Variants in OR10K2 observed in about 807,000 individuals in gnomAD.
OR10K2 encodes the protein olfactory receptor family 10 subfamily K member 2.
For synonymous variants in OR10K2, 169 were observed against 146.4 expected, an observed-to-expected ratio of 1.15 and a Z score of -1.11; for missense variants, 401 against 367.1, an observed-to-expected ratio of 1.09 and a Z score of -0.76.
rs1655110117 is a variant in OR10K2, at chr1:158,419,971, G to A, written c.896C>T (p.Ser299Leu). Residue 299 changes from serine to leucine, a missense_variant, in exon 2 of 2, where the codon TCA (serine) becomes TTA (leucine). Ser to Leu is a moderately radical substitution (Grantham distance 145, BLOSUM62 -2). Coordinates refer to ENST00000641042, the MANE Select transcript of OR10K2 (RefSeq NM_001004476.2). ...IYSLRNKEFKSALCKIVRRTI... is the reference protein window; with the variant it reads ...IYSLRNKEFKLALCKIVRRTI... ...TCTTCTCACAATTTTACAAAGAGCT[G>A]ATTTGAACTCTTTATTTCTCAAGCT... 1.9e-5 allele frequency: 31 copies of A among 1,612,402 alleles called. No homozygotes were observed. The highest frequency in any genetic ancestry group is 2.6e-5 in the Non-Finnish European group (31 of 1,178,872).
chr1:158,418,220 G>A lies in OR10K2; in HGVS notation c.*1708C>T, dbSNP rs1655077287. 1 of 151,980 alleles carries A rather than the reference G, an allele frequency of 6.6e-6. No homozygotes were observed. The highest frequency in any genetic ancestry group is 1.5e-5 in the Non-Finnish European group (1 of 67,998). 9.4% of individuals were successfully genotyped at this position (151,980 alleles called of 1,614,324 possible). ...GTATTAATTCTTTTACTCATTAGTA[G>A]GCAAGTCATTTTATTTGTCTGAGTG... On this transcript the variant is annotated 3_prime_UTR_variant, in exon 2 of 2. Transcript: ENST00000641042.
At position 158,420,641 on chromosome 1, in the gene OR10K2, T is replaced by G; in HGVS notation, c.226A>C (p.Ile76Leu). ...LSCSEICYTF[I>L]IVPKMLVDLL... ...TCAACCAGCATCTTGGGTACAATGA[T>G]GAAGGTGTAGCAAATCTCAGAGCAA... is the stretch of plus-strand genomic sequence containing the variant. The change falls in exon 2 of 2, where the codon ATC (isoleucine) becomes CTC (leucine). Residue 76 changes from isoleucine to leucine, a missense_variant. Ile to Leu is a conservative substitution (Grantham distance 5). Coordinates refer to ENST00000641042, the MANE Select transcript of OR10K2 (RefSeq NM_001004476.2). 6.2e-7 allele frequency: 1 copy of G among 1,613,808 alleles called. No individual in the cohort carries two copies. The highest frequency in any genetic ancestry group is 8.5e-7 in the Non-Finnish European group (1 of 1,179,888).
At position 158,422,802 on chromosome 1, in the gene OR10K2, G is replaced by A. The variant is rs115932773; in HGVS notation, c.-61-1875C>T. On this transcript the variant is annotated intron_variant, in intron 1 of 1. Coordinates refer to ENST00000641042, the MANE Select transcript of OR10K2 (RefSeq NM_001004476.2). ...ACACATTTAAATAAGACCCAGTCCCGAGCCTCTAGTTCATGTTTCAAGGGT... is the reference window on the plus strand; with the variant it reads ...ACACATTTAAATAAGACCCAGTCCCAAGCCTCTAGTTCATGTTTCAAGGGT... 8.0e-3 allele frequency among the ~76,000 whole-genome samples: 1,219 copies of A among 151,924 alleles called. 22 individuals are homozygous for A. Among genetic ancestry groups the A allele is most frequent in the African/African-American group, 0.027 (1,125 of 41,488 alleles).
chr1:158,423,989 A>G (rs1436646739), intron 1 of OR10K2, among the ~76,000 whole-genome samples: 1 of 152,082 alleles, frequency 6.6e-6, no homozygotes, highest in Non-Finnish European at 1.5e-5. Context: ...GAAGAATCAA[A>G]CACCTATTCA....
At chr1:158,423,149 C>T (rs1655190588) in intron 1 of OR10K2, among the ~76,000 whole-genome samples, 1 of 151,432 alleles carries the variant, frequency 6.6e-6, no homozygotes, top group Non-Finnish European at 1.5e-5. Context: ...TACTTTATAT[C>T]ACTCCCTTCC....
chr1:158,419,951 T>G lies in OR10K2; in HGVS notation c.916A>C (p.Arg306=), dbSNP rs758778919. ...EFKSALCKIV[R]RTISLL is the part of the protein sequence containing the mutation. ...TTTTACAACAGGGAAATTGTTCTTCTCACAATTTTACAAAGAGCTGATTTG... is the reference window on the plus strand; with the variant it reads ...TTTTACAACAGGGAAATTGTTCTTCGCACAATTTTACAAAGAGCTGATTTG... Residue 306 remains arginine, a synonymous_variant, in exon 2 of 2, where the codon AGA becomes CGA. Coordinates refer to ENST00000641042, the MANE Select transcript of OR10K2 (RefSeq NM_001004476.2). 1 of 1,610,528 alleles carries G rather than the reference T, an allele frequency of 6.2e-7. No homozygotes were observed.
At chr1:158,422,299 G>T (rs892277992) in intron 1 of OR10K2, among the ~76,000 whole-genome samples, 1 of 151,976 alleles carries the variant, frequency 6.6e-6, no homozygotes, top group Admixed American at 6.6e-5. Context: ...TTATTCATGG[G>T]CAGCACAGAC....
rs1457360178 is a variant in OR10K2, at chr1:158,420,915, C to T, written c.-49G>A. Reference sequence around the variant, plus strand: ...ATTAGGGAGAGAAGAGGAGTCAGCACCAAAAGAAATCCCTGAAAATAAGTA... The same window carrying T: ...ATTAGGGAGAGAAGAGGAGTCAGCATCAAAAGAAATCCCTGAAAATAAGTA... On this transcript the variant is annotated 5_prime_UTR_variant, in exon 2 of 2. It adds an upstream start codon to the 5' untranslated region. Coordinates refer to ENST00000641042, the MANE Select transcript of OR10K2 (RefSeq NM_001004476.2). The T allele has an allele frequency of 1.3e-6, 2 of 1,515,534 alleles. No homozygotes were observed. The highest frequency in any genetic ancestry group is 2.5e-5 in the South Asian group (2 of 80,580). The allele number at this position is 1,515,534 out of a possible 1,614,324, so 93.9% of individuals were successfully genotyped here. A position where few individuals can be genotyped will look rare whatever the true frequency, so the allele number is the denominator to read the frequency against.
At chr1:158,422,630 T>C (rs986663691) in intron 1 of OR10K2, among the ~76,000 whole-genome samples, 2 of 152,192 alleles carry the variant, frequency 1.3e-5, no homozygotes, top group Middle Eastern at 3.4e-3. Context: ...ATTATTAAAA[T>C]CACCTTAACT....
At chr1:158,423,887 A>G (rs1655206406) in intron 1 of OR10K2, among the ~76,000 whole-genome samples, 1 of 152,030 alleles carries the variant, frequency 6.6e-6, no homozygotes, top group South Asian at 2.1e-4. Flanking sequence ...CAGATTGTCT[A>G]ACAATTCTCA....
chr1:158,418,552 A>G lies in OR10K2; in HGVS notation c.*1376T>C, dbSNP rs1655082069. 1 of 152,158 alleles carries G rather than the reference A, an allele frequency of 6.6e-6. No individual in the cohort carries two copies. Among genetic ancestry groups the G allele is most frequent in the Non-Finnish European group, 1.5e-5 (1 of 68,028 alleles). The allele number at this position is 152,158 out of a possible 1,614,324, so 9.4% of individuals were successfully genotyped here. On this transcript the variant is annotated 3_prime_UTR_variant, in exon 2 of 2. Coordinates refer to ENST00000641042, the MANE Select transcript of OR10K2 (RefSeq NM_001004476.2). The stretch of plus-strand genomic sequence containing the variant: ...AATGGAAGAAATGCAATTGACTTAC[A>G]TTCTTGGCAGATGTCCTACAATAAA...
chr1:158,424,314 C>A (rs1258108942), intron 1 of OR10K2, among the ~76,000 whole-genome samples: 2 of 151,974 alleles, frequency 1.3e-5, no homozygotes, highest in African/African-American at 4.8e-5. Context: ...TTACAATAAA[C>A]TTCATGTTTC....
intron 1 of OR10K2, among the ~76,000 whole-genome samples, chr1:158,421,756 CA>C (rs1655161767): frequency 2.0e-5 from 3 of 152,108 alleles, no homozygotes; most frequent in Non-Finnish European, 2.9e-5. Flanking sequence ...CTTCACTCTT[CA>C]AAAATTTTAC....
chr1:158,425,289 T>C (rs1020961817), intron 1 of OR10K2, among the ~76,000 whole-genome samples: 3 of 152,072 alleles, frequency 2.0e-5, no homozygotes, highest in Non-Finnish European at 2.9e-5. Flanking sequence ...GATGAAGAAA[T>C]TGAGCTTCAG....
In OR10K2 at chr1:158,418,919, G is replaced by C. The variant is rs1005811956; in HGVS notation, c.*1009C>G. 6.6e-6 allele frequency: 1 copy of C among 152,084 alleles called. No individual in the cohort carries two copies. The highest frequency in any genetic ancestry group is 2.4e-5 in the African/African-American group (1 of 41,418). 9.4% of individuals were successfully genotyped at this position (152,084 alleles called of 1,614,324 possible). A position where few individuals can be genotyped will look rare whatever the true frequency, so the allele number is the denominator to read the frequency against. Reference sequence around the variant, plus strand: ...AAGCTTTCCACTTGGTGAATATTTAGTGAAATTGACTTAATCTTTAGCTTG... The same window carrying C: ...AAGCTTTCCACTTGGTGAATATTTACTGAAATTGACTTAATCTTTAGCTTG... On this transcript the variant is annotated 3_prime_UTR_variant, in exon 2 of 2. Coordinates refer to ENST00000641042, the MANE Select transcript of OR10K2 (RefSeq NM_001004476.2).
chr1:158,424,946 C>A (rs1001315954), intron 1 of OR10K2, among the ~76,000 whole-genome samples: 1 of 152,142 alleles, frequency 6.6e-6, no homozygotes, highest in East Asian at 1.9e-4. Context: ...TGTCAGCTAA[C>A]CTAACTTTTA....
rs750408456 is a variant in OR10K2 at position 158,420,064 on chromosome 1, G to C, written c.803C>G (p.Ser268Ter). 1 of 1,613,730 alleles carries C rather than the reference G, an allele frequency of 6.2e-7. No individual in the cohort carries two copies. The highest frequency in any genetic ancestry group is 8.5e-7 in the Non-Finnish European group (1 of 1,179,816). Residue 268 changes from serine (S) to a stop codon, truncating the protein, a stop_gained, in exon 2 of 2, where the codon TCA becomes TGA. Transcript: ENST00000641042. LOFTEE classifies it low-confidence loss of function (END_TRUNC). ...TACTGATATTAGAGCATCCTGGCTT[G>C]AGGAGTAGTTGGACTGAGGCCTTAA... Reference protein sequence around the residue: ...IYLRPQSNYSSSQDALISVSY... With the variant: ...IYLRPQSNYS
intron 1 of OR10K2, among the ~76,000 whole-genome samples, chr1:158,424,644 T>C (rs1267483529): frequency 2.0e-5 from 3 of 152,004 alleles, no homozygotes; most frequent in Non-Finnish European, 4.4e-5. Context: ...TTTAATATCT[T>C]TATTATAAAG....
chr1:158,421,484 G>A (rs1349037253), intron 1 of OR10K2, among the ~76,000 whole-genome samples: 1 of 151,848 alleles, frequency 6.6e-6, no homozygotes, highest in East Asian at 1.9e-4. Flanking sequence ...GTCCCAAAGT[G>A]GAAAAAAATT....
Sources: allele counts gnomAD v4.1 joint callset (sites outside exome capture counted in the v4.1 genomes callset), GRCh38; gene constraint gnomAD v4.1.1; transcripts MANE v1.5; gene names NCBI Gene and HGNC (gene_info 2026-07-23, HGNC 2026-07-21).